CHL1: variants seen among roughly 807,000 people sequenced by gnomAD.
The protein encoded by CHL1 is neural cell adhesion molecule L1-like protein.
A neutral mutation model predicts 141.9 loss-of-function variants in CHL1; 96 were observed. The ratio of observed to expected loss-of-function variants is 0.68; its 90% CI spans 0.57 to 0.80. The LOEUF (loss-of-function observed/expected upper bound fraction) is 0.80. Among genes scored for constraint, CHL1 ranks in the 30% least tolerant of loss-of-function variants. CHL1 has a pLI of 0.00. For synonymous variants in CHL1, 613 were observed against 502.2 expected (o/e 1.22, Z -2.95); for missense variants, 1,820 against 1,457.2 (o/e 1.25, Z -4.05).
intron 2 of CHL1, among the ~76,000 whole-genome samples, chr3:256,648 G>A (rs907022702): frequency 2.0e-5 from 3 of 152,156 alleles, no homozygotes; most frequent in Non-Finnish European, 2.9e-5. Context: ...TGCCCCAAAT[G>A]GAATCATGCT....
At chr3:256,973 C>A (rs1044761474) in intron 2 of CHL1, among the ~76,000 whole-genome samples, 2 of 152,126 alleles carry the variant, frequency 1.3e-5, no homozygotes, top group Non-Finnish European at 2.9e-5. Flanking sequence ...AAGGGGATAC[C>A]TAATATGTAA....
intron 1 of CHL1, among the ~76,000 whole-genome samples, chr3:214,338 A>C (rs1700134698): frequency 6.6e-6 from 1 of 152,206 alleles, no homozygotes; most frequent in African/African-American, 2.4e-5. Flanking sequence ...CACAATATGC[A>C]TGTGAAACAA....
In CHL1 at chr3:344,680, C is replaced by A. The variant is rs374362188; in HGVS notation, c.819C>A (p.Ile273=). Residue 273 remains isoleucine (I), a synonymous_variant, in exon 9 of 28, where the codon ATC becomes ATA. Transcript: ENST00000256509. ...ESSITILKGE[I]LLLECFAEGL... is the part of the protein sequence containing the mutation. The stretch of plus-strand genomic sequence containing the variant: ...CAATTACCATCCTCAAAGGGGAAAT[C>A]TTGCTGCTTGAGTGTTTTGCTGAAG... 1 of 1,613,608 alleles carries A rather than the reference C, an allele frequency of 6.2e-7. No individual in the cohort carries two copies. The highest frequency in any genetic ancestry group is 1.3e-5 in the African/African-American group (1 of 74,860).
rs75231924 is a variant in CHL1, at chr3:380,553, A to T, written c.1877-1626A>T. Among the ~76,000 whole-genome samples, 167 of 152,298 alleles carry T rather than the reference A, an allele frequency of 1.1e-3. 1 individual carries two copies. The highest frequency in any genetic ancestry group is 3.4e-3 in the Middle Eastern group (1 of 294). On this transcript the variant is annotated intron_variant, in intron 16 of 27. Coordinates refer to ENST00000256509, the MANE Select transcript of CHL1 (RefSeq NM_006614.4). ...ACCAGAAATTTTCATTTTCTTTAGTACTCAAAAATTTGTGATCATTTACTT... is the reference window on the plus strand; with the variant it reads ...ACCAGAAATTTTCATTTTCTTTAGTTCTCAAAAATTTGTGATCATTTACTT...
Position 379,322 on chromosome 3 carries a change from G to T in CHL1, c.1876+1380G>T, listed in dbSNP as rs187896384. 3.3e-4 allele frequency among the ~76,000 whole-genome samples: 50 copies of T among 152,308 alleles called. 1 individual carries two copies. The highest frequency in any genetic ancestry group is 1.2e-3 in the African/African-American group (49 of 41,570). On this transcript the variant is annotated intron_variant, in intron 16 of 27. Coordinates refer to ENST00000256509, the MANE Select transcript of CHL1 (RefSeq NM_006614.4). The stretch of plus-strand genomic sequence containing the variant: ...ACAGTTTCCACTTACAGAAGGTATG[G>T]ACTTGTAGAGTTGTCGAGTCGGCTC...
At chr3:262,539 A>C (rs1694818760) in intron 2 of CHL1, among the ~76,000 whole-genome samples, 1 of 148,418 alleles carries the variant, frequency 6.7e-6, no homozygotes, top group African/African-American at 2.5e-5. Flanking sequence ...CTTACAGGGC[A>C]GGATTCACAC....
At chr3:370,783 C>G (rs185850874) in intron 15 of CHL1, among the ~76,000 whole-genome samples, 1 of 152,280 alleles carries the variant, frequency 6.6e-6, no homozygotes, top group Admixed American at 6.5e-5. Flanking sequence ...TTAGCTGTGT[C>G]CCACAGACTC....
Position 333,532 on chromosome 3 carries a change from C to A in CHL1, c.385+5178C>A, listed in dbSNP as rs555589581. Among the ~76,000 whole-genome samples the A allele has an allele frequency of 4.6e-5, 7 of 151,790 alleles. No individual in the cohort carries two copies. In the East Asian group the frequency reaches 1.4e-3, roughly 30 times the overall value. On this transcript the variant is annotated intron_variant, in intron 5 of 27. Coordinates refer to ENST00000256509, the MANE Select transcript of CHL1 (RefSeq NM_006614.4). ...AGAAACAACAACAACAAGAACCAAACAAACAGAATGTACCATTTTTATATA... is the reference window on the plus strand; with the variant it reads ...AGAAACAACAACAACAAGAACCAAAAAAACAGAATGTACCATTTTTATATA...
In CHL1 at chr3:351,888, A is replaced by G. The variant is rs189316361; in HGVS notation, c.1033+2345A>G. Among the ~76,000 whole-genome samples the G allele has an allele frequency of 2.2e-3, 330 of 152,262 alleles. 2 individuals are homozygous for G. Among genetic ancestry groups the G allele is most frequent in the Middle Eastern group, 0.017 (5 of 294 alleles). The stretch of plus-strand genomic sequence containing the variant: ...CAACTGTATATTCTAAATATCTAAG[A>G]TATGATTAATTACACATTCAATAAA... On this transcript the variant is annotated intron_variant, in intron 10 of 27. Transcript: ENST00000256509.
At chr3:266,224 C>A (rs1052919855) in intron 2 of CHL1, among the ~76,000 whole-genome samples, 1 of 152,062 alleles carries the variant, frequency 6.6e-6, no homozygotes, top group Non-Finnish European at 1.5e-5. Flanking sequence ...TCAGCTTAAG[C>A]CTCTGTTCCT....
chr3:324,315 A>G (rs1472943688), intron 3 of CHL1, among the ~76,000 whole-genome samples: 2 of 152,072 alleles, frequency 1.3e-5, no homozygotes, highest in Non-Finnish European at 2.9e-5. Context: ...CTTTTCTCAT[A>G]CTTTATTTGC....
intron 1 of CHL1, among the ~76,000 whole-genome samples, chr3:207,420 T>C (rs1699534149): frequency 1.3e-5 from 2 of 152,234 alleles, no homozygotes; most frequent in South Asian, 4.1e-4. Flanking sequence ...TTCTGTGTTG[T>C]AAATTCAAGG....
At chr3:337,191 GTT>G (rs71058767) in intron 5 of CHL1, among the ~76,000 whole-genome samples, 19 of 27,660 alleles carry the variant, frequency 6.9e-4, no homozygotes, top group East Asian at 5.5e-3. Context: ...TTTTGTTTTT[GTT>G]TTTTTTTTTT....
Position 408,061 on chromosome 3 carries a change from T to C in CHL1, c.*2350T>C, listed in dbSNP as rs1440217152. 1 of 152,186 alleles carries C rather than the reference T, an allele frequency of 6.6e-6. No individual in the cohort carries two copies. The highest frequency in any genetic ancestry group is 1.9e-4 in the East Asian group (1 of 5,188). 9.4% of individuals were successfully genotyped at this position (152,186 alleles called of 1,614,324 possible). On this transcript the variant is annotated 3_prime_UTR_variant, in exon 28 of 28. Coordinates refer to ENST00000256509, the MANE Select transcript of CHL1 (RefSeq NM_006614.4). ...TAATTGTGAAATTATATGATTCATA[T>C]ATTTTATGAATCAGAATAACCTTCA...
At chr3:224,660 G>A (rs1701160713) in intron 1 of CHL1, among the ~76,000 whole-genome samples, 1 of 152,134 alleles carries the variant, frequency 6.6e-6, no homozygotes, top group African/African-American at 2.4e-5. Context: ...TGCTTGTACA[G>A]CTTGAAGAAG....
chr3:395,791 G>A (rs1708620052), intron 24 of CHL1, among the ~76,000 whole-genome samples: 1 of 152,248 alleles, frequency 6.6e-6, no homozygotes, highest in African/African-American at 2.4e-5. Context: ...GTGTCAGACT[G>A]TGTTCTGGAT....
chr3:391,532 T>C, intron 22 of CHL1, 143 bp from the exon 23 acceptor site: 1 of 622,062 alleles, frequency 1.6e-6, no homozygotes, highest in East Asian at 3.0e-5. Flanking sequence ...AATAAATAAA[T>C]AAACATTATT....
At chr3:208,664 A>C (rs114346692) in intron 1 of CHL1, among the ~76,000 whole-genome samples, 2 of 152,320 alleles carry the variant, frequency 1.3e-5, no homozygotes, top group Non-Finnish European at 2.9e-5. Context: ...ACCATTAATG[A>C]AACTGGTTTA....
intron 2 of CHL1, among the ~76,000 whole-genome samples, chr3:250,875 G>A (rs1234179541): frequency 1.4e-4 from 22 of 152,224 alleles, no homozygotes; most frequent in African/African-American, 5.1e-4. Flanking sequence ...TGCCCTATTA[G>A]TTTGTAGGAA....
Sources: allele counts gnomAD v4.1 joint callset (sites outside exome capture counted in the v4.1 genomes callset), GRCh38; gene constraint gnomAD v4.1.1; transcripts MANE v1.5; gene names NCBI Gene and HGNC (gene_info 2026-07-23, HGNC 2026-07-21).